Variants in GSE1 observed in about 807,000 individuals in gnomAD.
GSE1 encodes the protein genetic suppressor element 1.
Under a neutral mutation model 112.6 loss-of-function variants are expected in GSE1, and 32 were observed. The observed-to-expected ratio is 0.28, with a 90% CI of 0.21 to 0.38. The LOEUF is 0.38. Ranked by LOEUF, GSE1 falls within the 10% of genes least tolerant of loss-of-function variation. The pLI is 1.00. For synonymous variants in GSE1, 1,115 were observed against 735.6 expected (o/e 1.52, Z -8.35); for missense variants, 2,348 against 1,699.2 (o/e 1.38, Z -6.71).
intron 2 of GSE1, among the ~76,000 whole-genome samples, chr16:85,507,412 C>T (rs1359463550): frequency 6.6e-6 from 1 of 152,206 alleles, no homozygotes; most frequent in Non-Finnish European, 1.5e-5. Context: ...GGGAGGGCAG[C>T]CCAGAAGGCT....
At chr16:85,666,421 T>TGCTCAGCC in intron 13 of GSE1, 74 bp downstream of exon 13, 1 of 1,470,584 alleles carries the variant, frequency 6.8e-7, no homozygotes, top group East Asian at 2.3e-5. Context: ...GCGCCACAGC[T>TGCTCAGCC]GCTCAGCCGT....
intron 1 of GSE1, among the ~76,000 whole-genome samples, chr16:85,280,499 G>A (rs1165077857): frequency 1.3e-5 from 2 of 152,158 alleles, no homozygotes; most frequent in East Asian, 1.9e-4. Flanking sequence ...GGGTTTAAGC[G>A]ATTCTCCTGC....
intron 1 of GSE1, among the ~76,000 whole-genome samples, chr16:85,290,874 A>C (rs1032916931): frequency 6.6e-5 from 10 of 152,058 alleles, no homozygotes; most frequent in African/African-American, 2.2e-4. Context: ...TGAGCAGGCC[A>C]GTGTGGGAGC....
chr16:85,235,973 CGGGCCT>C (rs561194948), intron 1 of GSE1, among the ~76,000 whole-genome samples: 4 of 151,330 alleles, frequency 2.6e-5, no homozygotes, highest in Non-Finnish European at 4.4e-5. Context: ...CCTCCGGCGC[CGGGCCT>C]GGGCCTGGGC....
chr16:85,338,671 G>A (rs536026042), intron 1 of GSE1, among the ~76,000 whole-genome samples: 5 of 152,238 alleles, frequency 3.3e-5, no homozygotes, highest in African/African-American at 1.2e-4. Context: ...AGGCCCGGTA[G>A]TAGTCTAAAT....
chr16:85,340,899 T>A (rs2326484), intron 1 of GSE1, among the ~76,000 whole-genome samples: 38,914 of 152,034 alleles, frequency 0.26, 5,995 homozygotes, highest in East Asian at 0.43. Flanking sequence ...CTAGGAGGTT[T>A]TGCAGCCTCT....
At chr16:85,275,502 C>A (rs549873742) in intron 1 of GSE1, among the ~76,000 whole-genome samples, 99 of 152,336 alleles carry the variant, frequency 6.5e-4, no homozygotes, top group African/African-American at 2.2e-3. Flanking sequence ...AGACCTGTCT[C>A]ACTCGACAAG....
In GSE1 at chr16:85,205,060, C is replaced by G. The variant is rs571638697; in HGVS notation, c.2283+33253C>G. ...GCATGTACACGTACGTCTTGGCTCA[C>G]TGGATCTCCCCGCAGCCCCTGAAGA... is the stretch of plus-strand genomic sequence containing the variant. On this transcript the variant is annotated intron_variant, in intron 1 of 2. Coordinates refer to the GSE1 transcript ENST00000637419. Among the ~76,000 whole-genome samples, 18 of 91,388 alleles carry G rather than the reference C, an allele frequency of 2.0e-4. 1 individual carries two copies. In the East Asian group the frequency reaches 4.0e-3, roughly 20 times the overall value. 60.0% of individuals were successfully genotyped at this position (91,388 alleles called of 152,430 possible).
At chr16:85,341,573 G>T (rs1486504901) in intron 1 of GSE1, among the ~76,000 whole-genome samples, 1 of 152,092 alleles carries the variant, frequency 6.6e-6, no homozygotes, top group African/African-American at 2.4e-5. Flanking sequence ...CAGGAGAATC[G>T]CTTGAACCCG....
intron 1 of GSE1, among the ~76,000 whole-genome samples, chr16:85,187,667 C>G (rs1442396041): frequency 6.6e-6 from 1 of 152,330 alleles, no homozygotes; most frequent in African/African-American, 2.4e-5. Context: ...GCCTCGCCCC[C>G]ACCTGCTCCT....
At chr16:85,302,229 G>T (rs2968425) in intron 1 of GSE1, among the ~76,000 whole-genome samples, 4,655 of 152,276 alleles carry the variant, frequency 0.031, 250 homozygotes, top group African/African-American at 0.11. Context: ...TTCGCTTGGC[G>T]GTTCAGCTTT....
At chr16:85,435,336 C>T (rs530123364) in intron 2 of GSE1, among the ~76,000 whole-genome samples, 1 of 151,788 alleles carries the variant, frequency 6.6e-6, no homozygotes, top group African/African-American at 2.4e-5. Flanking sequence ...GTAGAAATTC[C>T]TCTTAGACTG....
At chr16:85,232,864 AAATG>A (rs200442967) in intron 1 of GSE1, among the ~76,000 whole-genome samples, 1 of 152,258 alleles carries the variant, frequency 6.6e-6, no homozygotes, top group Non-Finnish European at 1.5e-5. Flanking sequence ...TTTCTGATCC[AAATG>A]AATGAATGAA....
chr16:85,428,005 C>A (rs981257778), intron 2 of GSE1, among the ~76,000 whole-genome samples: 3 of 152,230 alleles, frequency 2.0e-5, no homozygotes, highest in Non-Finnish European at 4.4e-5. Flanking sequence ...TTGGACCCAG[C>A]CACATTTCAA....
intron 1 of GSE1, among the ~76,000 whole-genome samples, chr16:85,565,405 A>C (rs1445259579): frequency 2.0e-5 from 3 of 150,440 alleles, no homozygotes; most frequent in East Asian, 1.9e-4. Flanking sequence ...AAAAAAAAAA[A>C]CAAAAAAAAA....
intron 2 of GSE1, among the ~76,000 whole-genome samples, chr16:85,446,697 C>G (rs1485449392): frequency 6.6e-6 from 1 of 152,198 alleles, no homozygotes; most frequent in Non-Finnish European, 1.5e-5. Context: ...TGTGTTGGAG[C>G]TCAGCCCTGG....
intron 2 of GSE1, among the ~76,000 whole-genome samples, chr16:85,528,638 T>TTTTTG (rs71151301): frequency 0.22 from 31,972 of 145,032 alleles, 3,638 homozygotes; most frequent in Non-Finnish European, 0.24. Flanking sequence ...GGATTGCTGT[T>TTTTTG]TTTTGTTTTG....
chr16:85,271,107 G>A (rs1908786096), intron 1 of GSE1, among the ~76,000 whole-genome samples: 3 of 152,216 alleles, frequency 2.0e-5, no homozygotes, highest in Non-Finnish European at 2.9e-5. Flanking sequence ...AGAAGTACCG[G>A]GAGGTGAATG....
upstream of GSE1, among the ~76,000 whole-genome samples, chr16:85,608,452 C>T (rs1432748902): frequency 6.6e-6 from 1 of 152,008 alleles, no homozygotes; most frequent in African/African-American, 2.4e-5. Context: ...CCCCCGGCCC[C>T]CAACCAAAAT....
Sources: allele counts gnomAD v4.1 joint callset (sites outside exome capture counted in the v4.1 genomes callset), GRCh38; gene constraint gnomAD v4.1.1; transcripts MANE v1.5; gene names NCBI Gene and HGNC (gene_info 2026-07-23, HGNC 2026-07-21).